The following EPC1 variants were observed in gnomAD, a reference collection of about 807,000 sequenced individuals.
EPC1 encodes the protein enhancer of polycomb homolog 1.
A neutral mutation model predicts 98.4 loss-of-function variants in EPC1; 12 were observed. That is an observed-to-expected ratio of 0.12 (90% confidence interval 0.08 to 0.20). EPC1 has a LOEUF of 0.20. Ranked by LOEUF, EPC1 falls within the 10% of genes least tolerant of loss-of-function variation. The probability of loss-of-function intolerance (pLI) is 1.00; values close to 1 mark genes in which losing one functional copy is unlikely to be tolerated. For missense variants in EPC1, 729 were observed against 990.5 expected, an observed-to-expected ratio of 0.74 and a Z score of 3.54; for synonymous variants, 357 against 363.9, an observed-to-expected ratio of 0.98 and a Z score of 0.21.
At chr10:32,358,570 A>G (rs1340612089) in intron 1 of EPC1, among the ~76,000 whole-genome samples, 1 of 136,756 alleles carries the variant, frequency 7.3e-6, no homozygotes, top group Admixed American at 7.8e-5. Flanking sequence ...ACTTGAGCCT[A>G]GGAGGTTGAG....
At chr10:32,363,130 G>A (rs567626107) in intron 1 of EPC1, among the ~76,000 whole-genome samples, 99 of 152,320 alleles carry the variant, frequency 6.5e-4, no homozygotes, top group African/African-American at 2.4e-3. Context: ...CTAGAGTGCA[G>A]TGGCACAATC....
intron 1 of EPC1, among the ~76,000 whole-genome samples, chr10:32,324,805 A>T (rs1837171992): frequency 6.6e-6 from 1 of 151,930 alleles, no homozygotes; most frequent in Non-Finnish European, 1.5e-5. Flanking sequence ...CATCCTGGCT[A>T]ACACGGTGAA....
At chr10:32,350,017 A>G (rs74128092), upstream of EPC1, among the ~76,000 whole-genome samples, 3,044 of 152,362 alleles carry the variant, frequency 0.02, 106 homozygotes, top group African/African-American at 0.07. Flanking sequence ...ATTCCTTGAA[A>G]AAATGGTTAA....
At chr10:32,286,390 A>G (rs1362886969) in intron 9 of EPC1, 1 of 365,994 alleles carries the variant, frequency 2.7e-6, no homozygotes, top group Non-Finnish European at 4.9e-6. Flanking sequence ...GTGTGCAATC[A>G]GGATTTACAC....
At chr10:32,346,269 C>T (rs1256017067) in intron 1 of EPC1, among the ~76,000 whole-genome samples, 11 of 152,200 alleles carry the variant, frequency 7.2e-5, no homozygotes, top group Admixed American at 7.2e-4. Flanking sequence ...AATCAAATTC[C>T]CCGACTGTGC....
chr10:32,285,995 G>C (rs939364998), intron 9 of EPC1: 5 of 152,040 alleles, frequency 3.3e-5, no homozygotes, highest in African/African-American at 1.2e-4. Flanking sequence ...CTGCAATTAA[G>C]AGTTGAAGAT....
intron 1 of EPC1, among the ~76,000 whole-genome samples, chr10:32,342,554 T>C (rs1016575549): frequency 6.6e-6 from 1 of 152,214 alleles, no homozygotes; most frequent in Non-Finnish European, 1.5e-5. Context: ...CATCCTGTCC[T>C]GTTAGAATCC....
At chr10:32,311,312 C>A (rs1285075174) in intron 1 of EPC1, among the ~76,000 whole-genome samples, 4 of 144,274 alleles carry the variant, frequency 2.8e-5, no homozygotes, top group African/African-American at 1.0e-4. Flanking sequence ...GACTCCGTCT[C>A]AAAAAAAAAA....
chr10:32,340,071 T>A lies in EPC1; in HGVS notation c.153+6692A>T, dbSNP rs140965762. 1.2e-4 allele frequency among the ~76,000 whole-genome samples: 19 copies of A among 152,352 alleles called. No homozygotes were observed. The East Asian group carries it at 3.7e-3, about 29-fold the overall frequency. On this transcript the variant is annotated intron_variant, in intron 1 of 13. Coordinates refer to ENST00000319778, the MANE Select transcript of EPC1 (RefSeq NM_001272004.3). ...GATTCACTCTAAGGTCACATCCAAT[T>A]TCTTCAGTCAGTACTTGCTATACTG...
chr10:32,354,433 G>T (rs531134423), intron 1 of EPC1, among the ~76,000 whole-genome samples: 3 of 151,990 alleles, frequency 2.0e-5, no homozygotes, highest in Non-Finnish European at 4.4e-5. Flanking sequence ...CAGCCTGGGC[G>T]ACAGAGTGAG....
chr10:32,327,485 G>T (rs1276939929), intron 1 of EPC1, among the ~76,000 whole-genome samples: 1 of 152,142 alleles, frequency 6.6e-6, no homozygotes, highest in East Asian at 1.9e-4. Flanking sequence ...AATGATAAAT[G>T]CTTAAGGTCA....
upstream of EPC1, among the ~76,000 whole-genome samples, chr10:32,350,412 C>T (rs531746523): frequency 8.5e-5 from 13 of 152,280 alleles, no homozygotes; most frequent in African/African-American, 2.9e-4. Flanking sequence ...GGAGAAGCAG[C>T]ATGCGATCTG....
chr10:32,352,179 G>A (rs926960404), upstream of EPC1, among the ~76,000 whole-genome samples: 4 of 151,174 alleles, frequency 2.6e-5, no homozygotes, highest in African/African-American at 9.7e-5. Context: ...TGAGTAGCTG[G>A]GACTACAGGC....
At chr10:32,306,802 T>C (rs1835898242) in intron 1 of EPC1, among the ~76,000 whole-genome samples, 2 of 152,028 alleles carry the variant, frequency 1.3e-5, no homozygotes, top group South Asian at 4.1e-4. Flanking sequence ...ATAAAGGTAT[T>C]AGTCTCATCC....
intron 1 of EPC1, among the ~76,000 whole-genome samples, chr10:32,330,309 T>G (rs910063205): frequency 2.6e-5 from 4 of 152,204 alleles, no homozygotes; most frequent in Admixed American, 6.5e-5. Flanking sequence ...TATTTGGAAC[T>G]TATTTTAAAC....
At chr10:32,345,218 T>C in intron 1 of EPC1, 1 of 985,380 alleles carries the variant, frequency 1.0e-6, no homozygotes, top group Non-Finnish European at 1.2e-6. Flanking sequence ...TAAGAGGTAG[T>C]GTCTCATGAG....
intron 1 of EPC1, among the ~76,000 whole-genome samples, chr10:32,333,295 G>A (rs1189909397): frequency 2.6e-5 from 4 of 152,186 alleles, no homozygotes; most frequent in African/African-American, 9.7e-5. Context: ...AGCCGAGATC[G>A]TGCCACAGCC....
At chr10:32,364,534 T>C (rs192250877) in intron 1 of EPC1, among the ~76,000 whole-genome samples, 2 of 152,314 alleles carry the variant, frequency 1.3e-5, no homozygotes, top group African/African-American at 4.8e-5. Flanking sequence ...AGTTGAATGG[T>C]CTTGATGTTA....
intron 9 of EPC1, chr10:32,286,358 A>C (rs1836678599): frequency 3.9e-6 from 1 of 253,242 alleles, no homozygotes; most frequent in South Asian, 1.0e-4. Context: ...ACTTTTTTGC[A>C]GTTTCTTTAA....
Sources: allele counts gnomAD v4.1 joint callset (sites outside exome capture counted in the v4.1 genomes callset), GRCh38; gene constraint gnomAD v4.1.1; transcripts MANE v1.5; gene names NCBI Gene and HGNC (gene_info 2026-07-23, HGNC 2026-07-21).